Variants in PTPRD observed in about 807,000 individuals in gnomAD.
The protein encoded by PTPRD is receptor-type tyrosine-protein phosphatase delta.
In PTPRD, 34 loss-of-function variants were observed where a neutral mutation model predicts 214.5. The observed-to-expected ratio is 0.16, with a 90% confidence interval of 0.12 to 0.21. The LOEUF (loss-of-function observed/expected upper bound fraction) is 0.21, where lower values mean the gene tolerates loss of function less well. Ranked by LOEUF, PTPRD falls within the 10% of genes least tolerant of loss-of-function variation. PTPRD has a pLI of 1.00. For synonymous variants in PTPRD, 1,128 were observed against 845.7 expected (o/e 1.33, Z -5.79); for missense variants, 2,545 against 2,398.7 (o/e 1.06, Z -1.27).
At chr9:9,030,936 G>A (rs1374522625) in intron 10 of PTPRD, among the ~76,000 whole-genome samples, 1 of 151,882 alleles carries the variant, frequency 6.6e-6, no homozygotes, top group African/African-American at 2.4e-5. Context: ...GAGTTCTGAG[G>A]ATGATTCATC....
intron 12 of PTPRD, among the ~76,000 whole-genome samples, chr9:8,670,314 T>A (rs546804631): frequency 1.3e-5 from 2 of 152,260 alleles, no homozygotes; most frequent in South Asian, 2.1e-4. Flanking sequence ...TTCCTTTCCC[T>A]CCCCTGACCT....
At chr9:10,169,199 G>A (rs972706005) in intron 3 of PTPRD, among the ~76,000 whole-genome samples, 9 of 152,134 alleles carry the variant, frequency 5.9e-5, no homozygotes, top group Non-Finnish European at 1.2e-4. Flanking sequence ...AGCAGGCCGG[G>A]CGCGGTGGCT....
rs936130799 is a variant in PTPRD, at chr9:10,046,514, CAT to C, written c.-544-12726_-544-12725del. Among the ~76,000 whole-genome samples, 4 of 151,894 alleles carry C rather than the reference CAT, an allele frequency of 2.6e-5. No homozygotes were observed. In the South Asian group the frequency reaches 6.2e-4, roughly 24 times the overall value. On this transcript the variant is annotated intron_variant, in intron 3 of 45. Coordinates refer to ENST00000381196, the MANE Select transcript of PTPRD (RefSeq NM_002839.4). ...TTCCCTACATTGATTTTTCTAGGCACATGTCACTCTGAAAAACAGAATGAAAA... is the reference window on the plus strand; with the variant it reads ...TTCCCTACATTGATTTTTCTAGGCACGTCACTCTGAAAAACAGAATGAAAA...
At chr9:9,328,829 G>C (rs2041180507) in intron 9 of PTPRD, among the ~76,000 whole-genome samples, 1 of 150,272 alleles carries the variant, frequency 6.7e-6, no homozygotes, top group Non-Finnish European at 1.5e-5. Flanking sequence ...GTGGAGACAG[G>C]GTTTCACTAT....
chr9:10,400,289 G>T (rs980462544), intron 2 of PTPRD, among the ~76,000 whole-genome samples: 1 of 151,716 alleles, frequency 6.6e-6, no homozygotes, highest in Admixed American at 6.6e-5. Context: ...AACAGAGAAA[G>T]TCTTCAATAA....
chr9:9,880,048 G>C (rs982619010), intron 5 of PTPRD, among the ~76,000 whole-genome samples: 17 of 152,126 alleles, frequency 1.1e-4, no homozygotes, highest in Non-Finnish European at 2.5e-4. Context: ...ATGTCGAGGG[G>C]GGGACCTATA....
At chr9:10,333,954 A>G (rs1449412465) in intron 3 of PTPRD, among the ~76,000 whole-genome samples, 1 of 151,858 alleles carries the variant, frequency 6.6e-6, no homozygotes, top group Non-Finnish European at 1.5e-5. Flanking sequence ...AAAATGTTAC[A>G]GAAATAACAT....
At chr9:10,365,361 C>A (rs144634036) in intron 2 of PTPRD, among the ~76,000 whole-genome samples, 2,099 of 152,318 alleles carry the variant, frequency 0.014, 23 homozygotes, top group Middle Eastern at 0.037. Flanking sequence ...CCAACTATTT[C>A]TCTTCCCAAG....
At chr9:10,550,883 C>T (rs1295600958) in intron 2 of PTPRD, among the ~76,000 whole-genome samples, 3 of 152,204 alleles carry the variant, frequency 2.0e-5, no homozygotes, top group South Asian at 2.1e-4. Flanking sequence ...CACATCATTA[C>T]ATATATTGGC....
chr9:8,528,864 CT>C, intron 14 of PTPRD, 85 bp from the exon 15 acceptor site: 1 of 1,343,242 alleles, frequency 7.4e-7, no homozygotes, highest in Non-Finnish European at 1.0e-6. Flanking sequence ...CTCTCTTTAC[CT>C]TACTCAGTGC....
intron 8 of PTPRD, among the ~76,000 whole-genome samples, chr9:9,503,752 C>T (rs1360624059): frequency 1.3e-5 from 2 of 151,560 alleles, no homozygotes; most frequent in Non-Finnish European, 3.0e-5. Flanking sequence ...GAAGGGAGGG[C>T]CCTCACACAC....
chr9:10,410,677 T>C (rs1002168333), intron 2 of PTPRD, among the ~76,000 whole-genome samples: 4 of 151,780 alleles, frequency 2.6e-5, no homozygotes, highest in African/African-American at 9.7e-5. Flanking sequence ...TTAATCTAAA[T>C]AATAACATTG....
intron 11 of PTPRD, among the ~76,000 whole-genome samples, chr9:8,963,290 T>A (rs1244026842): frequency 6.6e-6 from 1 of 152,136 alleles, no homozygotes; most frequent in East Asian, 1.9e-4. Context: ...CATTAGTGGT[T>A]TGGAATCAGG....
At chr9:9,867,725 C>T (rs1205547069) in intron 5 of PTPRD, among the ~76,000 whole-genome samples, 3 of 152,102 alleles carry the variant, frequency 2.0e-5, no homozygotes, top group Non-Finnish European at 4.4e-5. Context: ...CTATTGTTTT[C>T]TCTTAGGTCA....
At chr9:8,702,313 G>C (rs1338027891) in intron 12 of PTPRD, among the ~76,000 whole-genome samples, 2 of 150,884 alleles carry the variant, frequency 1.3e-5, no homozygotes, top group South Asian at 2.1e-4. Context: ...TTGAAATAAA[G>C]TACTGTGCTT....
chr9:9,523,269 A>G (rs1794491461), intron 8 of PTPRD, among the ~76,000 whole-genome samples: 1 of 152,132 alleles, frequency 6.6e-6, no homozygotes, highest in Admixed American at 6.5e-5. Flanking sequence ...TTTCTTTACT[A>G]TCCCTTGACT....
At chr9:8,650,228 T>C (rs891048312) in intron 12 of PTPRD, among the ~76,000 whole-genome samples, 5 of 151,938 alleles carry the variant, frequency 3.3e-5, no homozygotes, top group East Asian at 3.9e-4. Context: ...GGCAACTTAT[T>C]AATAAGAATG....
intron 11 of PTPRD, among the ~76,000 whole-genome samples, chr9:8,798,569 C>G (rs2096496574): frequency 6.6e-6 from 1 of 152,200 alleles, no homozygotes; most frequent in African/African-American, 2.4e-5. Context: ...CTGTTGCATT[C>G]AAAAGCTAGT....
Position 9,191,017 on chromosome 9 carries a change from T to C in PTPRD, c.-202-7654A>G, listed in dbSNP as rs140808042. On this transcript the variant is annotated intron_variant, in intron 9 of 45. Coordinates refer to ENST00000381196, the MANE Select transcript of PTPRD (RefSeq NM_002839.4). ...TCATCTCCTGGCATTCATACACTTG[T>C]GTAACCTCCTCCCCTTGAATGTAGG... Among the ~76,000 whole-genome samples, 646 of 152,214 alleles carry C rather than the reference T, an allele frequency of 4.2e-3. 4 individuals are homozygous for C. The highest frequency in any genetic ancestry group is 0.015 in the African/African-American group (619 of 41,558).
Sources: gnomAD v4.1 joint callset for allele counts (sites outside exome capture counted in the v4.1 genomes callset) on GRCh38, gnomAD v4.1.1 for gene constraint, MANE v1.5 for transcripts, NCBI Gene and HGNC (gene_info 2026-07-23, HGNC 2026-07-21) for gene names.